The following TENM4 variants were observed in gnomAD, a reference collection of about 807,000 sequenced individuals.
TENM4 encodes teneurin transmembrane protein 4.
Under a neutral mutation model 243.3 loss-of-function variants are expected in TENM4, and 82 were observed. That is an observed-to-expected ratio of 0.34 (90% CI 0.28 to 0.40). The LOEUF is 0.40. Among genes scored for constraint, TENM4 ranks in the 10% least tolerant of loss-of-function variants. The probability of loss-of-function intolerance (pLI) is 1.00; values close to 1 mark genes in which losing one functional copy is unlikely to be tolerated. For missense variants in TENM4, 3,138 were observed against 3,673.3 expected, an observed-to-expected ratio of 0.85 and a Z score of 3.77; for synonymous variants, 1,412 against 1,456.3, an observed-to-expected ratio of 0.97 and a Z score of 0.69.
At chr11:78,696,773 T>C (rs1408812772) in intron 28 of TENM4, among the ~76,000 whole-genome samples, 1 of 152,202 alleles carries the variant, frequency 6.6e-6, no homozygotes, top group Non-Finnish European at 1.5e-5. Context: ...CCCAGCAGTC[T>C]TCTGCCCTTC....
At chr11:78,892,204 G>C (rs1855684408) in intron 7 of TENM4, among the ~76,000 whole-genome samples, 1 of 152,104 alleles carries the variant, frequency 6.6e-6, no homozygotes, top group Non-Finnish European at 1.5e-5. Flanking sequence ...GCCCTTTTTG[G>C]TCTCAACCAG....
chr11:78,958,174 G>C (rs1857246460), intron 6 of TENM4, among the ~76,000 whole-genome samples: 1 of 152,144 alleles, frequency 6.6e-6, no homozygotes, highest in Admixed American at 6.5e-5. Context: ...CACATAGAAA[G>C]TCCTTATTAA....
intron 6 of TENM4, among the ~76,000 whole-genome samples, chr11:78,996,761 G>C (rs1249680847): frequency 2.6e-5 from 4 of 152,256 alleles, no homozygotes; most frequent in Middle Eastern, 6.8e-3. Flanking sequence ...CTAGGAAACA[G>C]CATGTTTATG....
At chr11:79,221,202 C>T (rs1322250968) in intron 2 of TENM4, 1 of 152,152 alleles carries the variant, frequency 6.6e-6, no homozygotes, top group Non-Finnish European at 1.5e-5. Context: ...TGGGACAAGC[C>T]AGCATAGTGC....
At chr11:79,085,436 G>A in intron 4 of TENM4, among the ~76,000 whole-genome samples, 1 of 149,844 alleles carries the variant, frequency 6.7e-6, no homozygotes, top group Non-Finnish European at 1.5e-5. Context: ...GGCAGACCTT[G>A]ATTTGAACCC....
At position 79,196,434 on chromosome 11, in the gene TENM4, C is replaced by T. The variant is rs139840586; in HGVS notation, c.-163+19374G>A. 5.3e-5 allele frequency among the ~76,000 whole-genome samples: 8 copies of T among 152,168 alleles called. No individual in the cohort carries two copies. The East Asian group carries it at 1.4e-3, about 26-fold the overall frequency. ...TGAAAGCTACTATGGAAGTCCACAGCCTCAGCCTCAGCACTGACTGGTTCT... is the reference window on the plus strand; with the variant it reads ...TGAAAGCTACTATGGAAGTCCACAGTCTCAGCCTCAGCACTGACTGGTTCT... On this transcript the variant is annotated intron_variant, in intron 3 of 33. Transcript: ENST00000278550.
chr11:79,181,350 A>G (rs1382558785), intron 3 of TENM4, among the ~76,000 whole-genome samples: 1 of 152,214 alleles, frequency 6.6e-6, no homozygotes, highest in Non-Finnish European at 1.5e-5. Flanking sequence ...CCAAATAATT[A>G]TATCAATAGA....
At chr11:78,915,023 G>A (rs1308693204) in intron 6 of TENM4, among the ~76,000 whole-genome samples, 2 of 152,164 alleles carry the variant, frequency 1.3e-5, no homozygotes, top group African/African-American at 2.4e-5. Flanking sequence ...ACTGCCTACA[G>A]TACGAGACCC....
chr11:79,353,099 T>C (rs1272192481), intron 1 of TENM4, among the ~76,000 whole-genome samples: 1 of 152,094 alleles, frequency 6.6e-6, no homozygotes, highest in East Asian at 1.9e-4. Context: ...GATGTAGGGC[T>C]CTTTGGGCCC....
At chr11:79,162,944 TG>T (rs1862784213) in intron 3 of TENM4, among the ~76,000 whole-genome samples, 1 of 152,226 alleles carries the variant, frequency 6.6e-6, no homozygotes. Context: ...TCTTCAGCTC[TG>T]AGGGAGCTAT....
At chr11:79,179,705 A>G (rs7101907) in intron 3 of TENM4, among the ~76,000 whole-genome samples, 4,552 of 151,950 alleles carry the variant, frequency 0.03, 245 homozygotes, top group African/African-American at 0.1. Context: ...TGTTAAGGAC[A>G]GATGATAAAA....
intron 25 of TENM4, among the ~76,000 whole-genome samples, chr11:78,717,374 C>T (rs1241707733): frequency 6.6e-6 from 1 of 152,170 alleles, no homozygotes. Flanking sequence ...CCTTCAATGA[C>T]AGCAGTTGGC....
intron 6 of TENM4, among the ~76,000 whole-genome samples, chr11:78,914,712 G>A (rs951471051): frequency 1.3e-5 from 2 of 152,138 alleles, no homozygotes; most frequent in Non-Finnish European, 2.9e-5. Context: ...CAATCAACCA[G>A]ACCTCTGGGA....
At chr11:78,982,953 A>G (rs1025881748) in intron 6 of TENM4, among the ~76,000 whole-genome samples, 8 of 152,186 alleles carry the variant, frequency 5.3e-5, no homozygotes, top group Non-Finnish European at 1.2e-4. Flanking sequence ...GTTACTGACC[A>G]CACAGTGGCC....
chr11:78,669,356 G>A lies in TENM4; in HGVS notation c.6989C>T (p.Ser2330Phe), dbSNP rs755929903. The A allele has an allele frequency of 6.2e-7, 1 of 1,613,810 alleles. No individual in the cohort carries two copies. The highest frequency in any genetic ancestry group is 8.5e-7 in the Non-Finnish European group (1 of 1,179,780). The stretch of plus-strand genomic sequence containing the variant: ...GTAGAGGGAGGTGATCTCAGAGCTG[G>A]AGTGGTTGTACAGGTGGGTGACCTT... Reference protein sequence around the residue: ...PTKVTHLYNHSSSEITSLYYD... With the variant: ...PTKVTHLYNHFSSEITSLYYD... Residue 2330 changes from serine (S) to phenylalanine (F), a missense_variant, in exon 32 of 34, where the codon TCC (serine) becomes TTC (phenylalanine). Physicochemically the swap from Ser to Phe is radical, Grantham distance 155 (BLOSUM62 -2). Transcript: ENST00000278550. This position sits in a 1 kb window ranked among gnomAD's most constrained non-coding sequence, Gnocchi z 6.4.
rs1858815534 is a variant in TENM4 at position 78,691,280 on chromosome 11, G to C, written c.5088-3054C>G. On this transcript the variant is annotated intron_variant, in intron 28 of 33. Coordinates refer to ENST00000278550, the MANE Select transcript of TENM4 (RefSeq NM_001098816.3). ...CACCTGCCAGCAGCGTGACCCTGGA[G>C]GACTGGCTCTCAGTTCATCTCTGCT... 3.3e-5 allele frequency among the ~76,000 whole-genome samples: 5 copies of C among 152,222 alleles called. No individual in the cohort carries two copies. The South Asian group carries it at 1.0e-3, about 32-fold the overall frequency.
At chr11:78,823,406 A>G (rs1390871284) in intron 12 of TENM4, among the ~76,000 whole-genome samples, 3 of 152,256 alleles carry the variant, frequency 2.0e-5, no homozygotes, top group Non-Finnish European at 4.4e-5. Context: ...CCCACTGGGC[A>G]GAGGTTCCGG....
At chr11:78,861,364 G>A (rs2136219693) in intron 10 of TENM4, among the ~76,000 whole-genome samples, 1 of 152,312 alleles carries the variant, frequency 6.6e-6, no homozygotes, top group Middle Eastern at 3.4e-3. Context: ...GTGTGTTCAA[G>A]GGATTTGCTT....
At chr11:78,908,047 G>A (rs924347058) in intron 6 of TENM4, among the ~76,000 whole-genome samples, 2 of 152,142 alleles carry the variant, frequency 1.3e-5, no homozygotes, top group South Asian at 2.1e-4. Context: ...CCTCCAACAC[G>A]TTAGGCAGTT....
Sources: allele counts gnomAD v4.1 joint callset (sites outside exome capture counted in the v4.1 genomes callset), GRCh38; gene constraint gnomAD v4.1.1; non-coding constraint Gnocchi (gnomAD v3.1); transcripts MANE v1.5; gene names NCBI Gene and HGNC (gene_info 2026-07-23, HGNC 2026-07-21).